CLNK: variants seen among roughly 807,000 people sequenced by gnomAD.
CLNK encodes the protein cytokine-dependent hematopoietic cell linker.
In CLNK, 74 loss-of-function variants were observed where a neutral mutation model predicts 68.6. The ratio of observed to expected loss-of-function variants is 1.08; its 90% CI spans 0.89 to 1.31. The LOEUF is 1.31. CLNK is among the 50% of genes most tolerant of loss of function. The pLI is 0.00. For synonymous variants in CLNK, 198 were observed against 172.2 expected (o/e 1.15, Z -1.17); for missense variants, 553 against 515.3 (o/e 1.07, Z -0.71).
chr4:10,594,873 T>C (rs61795152), intron 3 of CLNK, among the ~76,000 whole-genome samples: 6,230 of 152,242 alleles, frequency 0.041, 183 homozygotes, highest in Middle Eastern at 0.099. Context: ...GGCGGGCAGA[T>C]CACCTGAGGT....
At chr4:10,556,186 G>A (rs554390312) in intron 8 of CLNK, among the ~76,000 whole-genome samples, 3 of 152,298 alleles carry the variant, frequency 2.0e-5, no homozygotes, top group African/African-American at 7.2e-5. Flanking sequence ...TACAAGATGT[G>A]TTTTTCTTGC....
upstream of CLNK, among the ~76,000 whole-genome samples, chr4:10,688,684 A>C (rs547364063): frequency 2.3e-4 from 35 of 152,320 alleles, no homozygotes; most frequent in African/African-American, 8.4e-4. Context: ...TAAAATGATA[A>C]AATTCTCTTG....
chr4:10,734,442 A>G, the CLNK span, among the ~76,000 whole-genome samples: 3,376 of 152,298 alleles, frequency 0.022, 58 homozygotes, highest in Non-Finnish European at 0.037. Context: ...AATTCAGGTC[A>G]CTTTTACTCA....
chr4:10,532,572 A>G (rs1376213805), intron 11 of CLNK, among the ~76,000 whole-genome samples: 1 of 152,238 alleles, frequency 6.6e-6, no homozygotes, highest in Non-Finnish European at 1.5e-5. Flanking sequence ...ATTTCTCCTG[A>G]CATTTGATTT....
intron 3 of CLNK, among the ~76,000 whole-genome samples, chr4:10,596,786 C>T (rs1721403487): frequency 6.6e-6 from 1 of 152,042 alleles, no homozygotes; most frequent in Admixed American, 6.5e-5. Flanking sequence ...AAATAATTTG[C>T]TTCAGAAAAA....
intron 2 of CLNK, among the ~76,000 whole-genome samples, chr4:10,636,511 G>T (rs1176610790): frequency 1.3e-5 from 2 of 152,164 alleles, no homozygotes; most frequent in Non-Finnish European, 2.9e-5. Flanking sequence ...CATTTCTGTT[G>T]TTGTAGGCCA....
At chr4:10,519,831 G>C (rs1168036342) in intron 15 of CLNK, among the ~76,000 whole-genome samples, 2 of 152,176 alleles carry the variant, frequency 1.3e-5, no homozygotes, top group Non-Finnish European at 2.9e-5. Flanking sequence ...CTGTGTGTGT[G>C]TGTGTGTGTG....
chr4:10,674,338 C>T (rs151232660), intron 1 of CLNK, among the ~76,000 whole-genome samples: 1 of 152,128 alleles, frequency 6.6e-6, no homozygotes, highest in African/African-American at 2.4e-5. Flanking sequence ...GAAAAAACAC[C>T]ACTGTACTGA....
chr4:10,517,767 A>T (rs1435379282), intron 15 of CLNK, among the ~76,000 whole-genome samples: 2 of 152,220 alleles, frequency 1.3e-5, no homozygotes, highest in Non-Finnish European at 1.5e-5. Context: ...TGGATATTTT[A>T]AAAGTCCTCC....
rs762444234 is a variant in CLNK at position 10,667,887 on chromosome 4, G to T, written c.-18C>A. 2 of 1,351,862 alleles carry T rather than the reference G, an allele frequency of 1.5e-6. No individual in the cohort carries two copies. Among genetic ancestry groups the T allele is most frequent in the East Asian group, 3.9e-5 (1 of 25,480 alleles). 83.7% of individuals were successfully genotyped at this position (1,351,862 alleles called of 1,614,324 possible). A position where few individuals can be genotyped will look rare whatever the true frequency, so the allele number is the denominator to read the frequency against. On this transcript the variant is annotated 5_prime_UTR_variant, in exon 2 of 19. Transcript: ENST00000226951. ...CTGTTCATAGTTCTTGGCACCTGGC[G>T]GGTAAGAGGGATCTTCAATTCAGCC...
At chr4:10,553,008 CTTATCACTG>C in intron 8 of CLNK, among the ~76,000 whole-genome samples, 1 of 151,950 alleles carries the variant, frequency 6.6e-6, no homozygotes. Context: ...AGAGGGCAAA[CTTATCACTG>C]TTCATCGCTC....
intron 16 of CLNK, among the ~76,000 whole-genome samples, chr4:10,509,400 CT>C (rs1277119363): frequency 2.0e-5 from 3 of 152,148 alleles, no homozygotes; most frequent in Non-Finnish European, 2.9e-5. Flanking sequence ...TGCTTGTACT[CT>C]GGACACACAC....
At chr4:10,616,790 G>GTGTGTATATATATATA (rs1369047138) in intron 2 of CLNK, among the ~76,000 whole-genome samples, 157 of 64,184 alleles carry the variant, frequency 2.4e-3, no homozygotes, top group African/African-American at 6.3e-3. Flanking sequence ...GTGTGTGTGT[G>GTGTGTATATATATATA]TATATATATA....
chr4:10,679,466 C>T (rs1725007235), intron 1 of CLNK, among the ~76,000 whole-genome samples: 1 of 152,190 alleles, frequency 6.6e-6, no homozygotes, highest in South Asian at 2.1e-4. Flanking sequence ...GCAAGGACTT[C>T]ATGTCTAAAA....
At chr4:10,605,896 C>A (rs1232926409) in intron 2 of CLNK, among the ~76,000 whole-genome samples, 2 of 151,280 alleles carry the variant, frequency 1.3e-5, no homozygotes, top group African/African-American at 2.4e-5. Flanking sequence ...AAGGCACTTA[C>A]CATGAATGAA....
At chr4:10,653,081 A>T (rs1199394830) in intron 2 of CLNK, among the ~76,000 whole-genome samples, 1 of 152,246 alleles carries the variant, frequency 6.6e-6, no homozygotes, top group Non-Finnish European at 1.5e-5. Flanking sequence ...ACAGCAAACT[A>T]ACACAAGAAC....
At chr4:10,519,048 C>T (rs1287183110) in intron 15 of CLNK, among the ~76,000 whole-genome samples, 1 of 152,120 alleles carries the variant, frequency 6.6e-6, no homozygotes, top group Non-Finnish European at 1.5e-5. Context: ...TGGGGCCCAG[C>T]CCAATTTTTG....
intron 1 of CLNK, among the ~76,000 whole-genome samples, chr4:10,670,811 G>A (rs1220750640): frequency 9.2e-5 from 14 of 152,168 alleles, no homozygotes; most frequent in Non-Finnish European, 1.6e-4. Context: ...CTCCAATAGA[G>A]CTCTGTGCAG....
At chr4:10,635,469 C>A (rs1723046243) in intron 2 of CLNK, among the ~76,000 whole-genome samples, 1 of 152,176 alleles carries the variant, frequency 6.6e-6, no homozygotes, top group Admixed American at 6.5e-5. Flanking sequence ...CTTTTCTCTC[C>A]TTGGGATAGT....
Sources: allele counts gnomAD v4.1 joint callset (sites outside exome capture counted in the v4.1 genomes callset), GRCh38; gene constraint gnomAD v4.1.1; transcripts MANE v1.5; gene names NCBI Gene and HGNC (gene_info 2026-07-23, HGNC 2026-07-21).